Variants in ANGPT2 observed in about 807,000 individuals in gnomAD.
ANGPT2 encodes angiopoietin 2.
Under a neutral mutation model 62.9 loss-of-function variants are expected in ANGPT2, and 28 were observed. The observed-to-expected ratio is 0.44, with a 90% CI of 0.33 to 0.61. The LOEUF is 0.61. Ranked by LOEUF, ANGPT2 falls within the 20% of genes least tolerant of loss-of-function variation. The probability of loss-of-function intolerance (pLI) is 0.03; values close to 1 mark genes in which losing one functional copy is unlikely to be tolerated. For missense variants in ANGPT2, 727 were observed against 594.9 expected, an observed-to-expected ratio of 1.22 and a Z score of -2.31; for synonymous variants, 284 against 207.8, an observed-to-expected ratio of 1.37 and a Z score of -3.15.
chr8:6,547,884 C>T (rs994573993), intron 1 of ANGPT2, among the ~76,000 whole-genome samples: 1 of 148,664 alleles, frequency 6.7e-6, no homozygotes, highest in South Asian at 2.1e-4. Flanking sequence ...ATCTTACCCC[C>T]ATTTTTTTTT....
chr8:6,533,575 T>TTC (rs1010576257), intron 1 of ANGPT2, among the ~76,000 whole-genome samples: 3 of 124,036 alleles, frequency 2.4e-5, no homozygotes, highest in Non-Finnish European at 5.2e-5. Context: ...GTTTCTTTTT[T>TTC]TTTTTTTTTT....
chr8:6,546,466 C>G (rs557914103), intron 1 of ANGPT2, among the ~76,000 whole-genome samples: 1 of 152,278 alleles, frequency 6.6e-6, no homozygotes, highest in Admixed American at 6.5e-5. Context: ...GTTTGAGAAG[C>G]CAGGTGTGCC....
chr8:6,513,935 C>A, intron 6 of ANGPT2, 91 bp from the exon 7 acceptor site: 1 of 1,220,540 alleles, frequency 8.2e-7, no homozygotes, highest in Non-Finnish European at 1.1e-6. Context: ...CATAGAATAA[C>A]TATCAAATAG....
In ANGPT2 at chr8:6,501,015, C is replaced by G. The variant is rs1563295750; in HGVS notation, c.*2086G>C. The G allele has an allele frequency of 6.6e-6, 1 of 152,174 alleles. No homozygotes were observed. Among genetic ancestry groups the G allele is most frequent in the African/African-American group, 2.4e-5 (1 of 41,454 alleles). 9.4% of individuals were successfully genotyped at this position (152,174 alleles called of 1,614,324 possible). On this transcript the variant is annotated 3_prime_UTR_variant, in exon 9 of 9. Coordinates refer to ENST00000629816, the MANE Select transcript of ANGPT2 (RefSeq NM_001118887.2). ...TTGTCTTTCGAGGCTGTGAAATTTT[C>G]TTATTTTCAGTTGTTTTTCAACTTG...
At chr8:6,560,546 A>G (rs1695974585) in intron 1 of ANGPT2, among the ~76,000 whole-genome samples, 1 of 152,194 alleles carries the variant, frequency 6.6e-6, no homozygotes, top group Non-Finnish European at 1.5e-5. Flanking sequence ...TGCCTTTCTC[A>G]GGTGCACGTT....
chr8:6,516,705 A>C (rs568118201), intron 5 of ANGPT2, among the ~76,000 whole-genome samples: 5 of 152,308 alleles, frequency 3.3e-5, no homozygotes, highest in African/African-American at 1.2e-4. Flanking sequence ...CTGTATCCTA[A>C]ATGGTATGCT....
At chr8:6,520,472 C>G (rs892184830) in intron 4 of ANGPT2, among the ~76,000 whole-genome samples, 4 of 151,956 alleles carry the variant, frequency 2.6e-5, no homozygotes, top group South Asian at 2.1e-4. Flanking sequence ...CTCAGCTTAC[C>G]GCATCCTCCT....
intron 1 of ANGPT2, among the ~76,000 whole-genome samples, chr8:6,542,700 C>A (rs1013373681): frequency 3.3e-5 from 5 of 151,972 alleles, no homozygotes; most frequent in African/African-American, 7.2e-5. Flanking sequence ...CTCCTCTCTG[C>A]CCTGTTTTTG....
chr8:6,513,915 G>T, intron 6 of ANGPT2, 71 bp from the exon 7 acceptor site: 1 of 1,366,046 alleles, frequency 7.3e-7, no homozygotes, highest in Non-Finnish European at 1.0e-6. Context: ...TGGATAGTCC[G>T]TCAACTTAAC....
Position 6,562,713 on chromosome 8 carries a change from A to C in ANGPT2, c.222T>G (p.Asp74Glu), listed in dbSNP as rs765673207. The C allele has an allele frequency of 1.2e-6, 2 of 1,613,110 alleles. No individual in the cohort carries two copies. The highest frequency in any genetic ancestry group is 1.7e-5 in the Admixed American group (1 of 59,932). ...AVQRDAPLEYDDSVQRLQVLE... is the reference protein window; with the variant it reads ...AVQRDAPLEYEDSVQRLQVLE... ...GCACTTGCAGCCTCTGCACCGAGTCATCGTATTCGAGCGGCGCGTCCCTCT... is the reference window on the plus strand; with the variant it reads ...GCACTTGCAGCCTCTGCACCGAGTCCTCGTATTCGAGCGGCGCGTCCCTCT... Residue 74 changes from aspartate (D) to glutamate (E), a missense_variant, in exon 1 of 9, where the codon GAT (aspartate) becomes GAG (glutamate). Physicochemically the swap from Asp to Glu is conservative, Grantham distance 45 (BLOSUM62 2). Transcript: ENST00000629816.
At chr8:6,527,759 G>T (rs537987753) in intron 2 of ANGPT2, 83 bp from the exon 3 acceptor site, 17 of 1,260,946 alleles carry the variant, frequency 1.3e-5, no homozygotes, top group Non-Finnish European at 4.4e-6. Flanking sequence ...AAGTACCCAA[G>T]CTACAGGAAA....
chr8:6,506,463 C>A (rs3020210), intron 8 of ANGPT2, among the ~76,000 whole-genome samples: 36,976 of 152,058 alleles, frequency 0.24, 5,858 homozygotes, highest in Middle Eastern at 0.4. Context: ...GTTATTAATG[C>A]AATTCTCCTA....
Position 6,503,181 on chromosome 8 carries a change from C to T in ANGPT2, c.1408G>A (p.Gly470Ser). The stretch of plus-strand genomic sequence containing the variant: ...CCTTTCCAGTAGTACCATTTAATGC[C>T]GTTGAACTTATTTGTGTTCTGCCTC... ...PQRQNTNKFN[G>S]IKWYYWKGSG... Residue 470 changes from glycine (G) to serine (S), a missense_variant, in exon 9 of 9, where the codon GGC (glycine) becomes AGC (serine). Transcript: ENST00000629816. 6.2e-7 allele frequency: 1 copy of T among 1,614,148 alleles called. No individual in the cohort carries two copies. Among genetic ancestry groups the T allele is most frequent in the Non-Finnish European group, 8.5e-7 (1 of 1,180,018 alleles).
In ANGPT2 at chr8:6,513,658, A is replaced by C; in HGVS notation, c.1196+20T>G. 1 of 1,587,540 alleles carries C rather than the reference A, an allele frequency of 6.3e-7. No individual in the cohort carries two copies. Among genetic ancestry groups the C allele is most frequent in the East Asian group, 2.3e-5 (1 of 44,088 alleles). Reference sequence around the variant, plus strand: ...ACAAATCTTTTAATTTTTTCTTTCAATTACCATGAACTCACTTACCTATAA... The same window carrying C: ...ACAAATCTTTTAATTTTTTCTTTCACTTACCATGAACTCACTTACCTATAA... On this transcript the variant is annotated intron_variant, in intron 7 of 8. Coordinates refer to ENST00000629816, the MANE Select transcript of ANGPT2 (RefSeq NM_001118887.2).
Position 6,513,663 on chromosome 8 carries a change from C to T in ANGPT2, c.1196+15G>A. The stretch of plus-strand genomic sequence containing the variant: ...TCTTTTAATTTTTTCTTTCAATTAC[C>T]ATGAACTCACTTACCTATAATTGAG... On this transcript the variant is annotated intron_variant, in intron 7 of 8. Transcript: ENST00000629816. The T allele has an allele frequency of 1.9e-6, 3 of 1,597,490 alleles. No individual in the cohort carries two copies. The highest frequency in any genetic ancestry group is 2.6e-6 in the Non-Finnish European group (3 of 1,172,080).
intron 3 of ANGPT2, among the ~76,000 whole-genome samples, chr8:6,521,657 A>G (rs531208525): frequency 6.6e-6 from 1 of 152,290 alleles, no homozygotes; most frequent in Non-Finnish European, 1.5e-5. Context: ...CACACAAGAA[A>G]AGGTACCCCA....
chr8:6,520,872 A>C (rs1817199568), intron 4 of ANGPT2, among the ~76,000 whole-genome samples: 1 of 152,234 alleles, frequency 6.6e-6, no homozygotes, highest in Non-Finnish European at 1.5e-5. Flanking sequence ...GTAAAACCTA[A>C]ATAAATGAAT....
chr8:6,553,665 A>ATTTT (rs752171739), intron 1 of ANGPT2, among the ~76,000 whole-genome samples: 1 of 142,934 alleles, frequency 7.0e-6, no homozygotes, highest in Non-Finnish European at 1.5e-5. Context: ...TGGTCTCAAA[A>ATTTT]TTTTTTTTTT....
intron 1 of ANGPT2, among the ~76,000 whole-genome samples, chr8:6,552,456 G>C (rs1281992640): frequency 6.6e-6 from 1 of 152,144 alleles, no homozygotes; most frequent in Non-Finnish European, 1.5e-5. Context: ...ATTATCTTTC[G>C]AGTAAACATG....
Sources: allele counts gnomAD v4.1 joint callset (sites outside exome capture counted in the v4.1 genomes callset), GRCh38; gene constraint gnomAD v4.1.1; transcripts MANE v1.5; gene names NCBI Gene and HGNC (gene_info 2026-07-23, HGNC 2026-07-21).